The following ROBO1 variants were observed in gnomAD, a reference collection of about 807,000 sequenced individuals.
The protein encoded by ROBO1 is roundabout guidance receptor 1, also known as roundabout homolog 1.
ROBO1 carries 149 observed loss-of-function variants against 195.9 expected under a neutral mutation model. The ratio of observed to expected loss-of-function variants is 0.76; its 90% CI spans 0.67 to 0.87. The LOEUF (loss-of-function observed/expected upper bound fraction) is 0.87, where lower values mean the gene tolerates loss of function less well. Ranked by LOEUF, ROBO1 falls within the 40% of genes least tolerant of loss-of-function variation. The pLI, the probability that ROBO1 is intolerant of heterozygous loss-of-function variation, is 0.00. For synonymous variants in ROBO1, 816 were observed against 733.2 expected (o/e 1.11, Z -1.82); for missense variants, 1,933 against 2,068.3 (o/e 0.93, Z 1.27).
intron 4 of ROBO1, among the ~76,000 whole-genome samples, chr3:78,856,468 T>G (rs1009040835): frequency 2.0e-5 from 3 of 151,808 alleles, no homozygotes; most frequent in Middle Eastern, 3.2e-3. Flanking sequence ...TATCATAAAT[T>G]TGAAGGTCAT....
chr3:78,858,723 A>C (rs2034606857), intron 4 of ROBO1, among the ~76,000 whole-genome samples: 1 of 151,950 alleles, frequency 6.6e-6, no homozygotes, highest in South Asian at 2.1e-4. Flanking sequence ...CCTGGGCAAC[A>C]GAGTGAGACC....
chr3:79,305,487 CAAAAAAAAAAA>C (rs755731665), intron 2 of ROBO1, among the ~76,000 whole-genome samples: 1 of 55,704 alleles, frequency 1.8e-5, no homozygotes, highest in Middle Eastern at 0.01. Context: ...AACTCCATCT[CAAAAAAAAAAA>C]AAAAAAAAAA....
At chr3:78,996,340 C>CAAAA (rs5850409) in intron 3 of ROBO1, among the ~76,000 whole-genome samples, 2 of 148,252 alleles carry the variant, frequency 1.3e-5, no homozygotes, top group Non-Finnish European at 3.0e-5. Context: ...AAAAAAAAAA[C>CAAAA]AAAAAAAAAA....
intron 2 of ROBO1, among the ~76,000 whole-genome samples, chr3:79,339,078 T>C (rs1212176473): frequency 6.6e-6 from 1 of 152,182 alleles, no homozygotes; most frequent in Non-Finnish European, 1.5e-5. Context: ...CTTCAAAATA[T>C]GTCCAGACTC....
intron 2 of ROBO1, among the ~76,000 whole-genome samples, chr3:79,536,937 T>A (rs1183196467): frequency 2.0e-5 from 3 of 152,108 alleles, no homozygotes; most frequent in Non-Finnish European, 4.4e-5. Flanking sequence ...TGCTATGGGA[T>A]CTAGTGAATC....
intron 28 of ROBO1, among the ~76,000 whole-genome samples, chr3:78,610,775 A>C (rs556117054): frequency 1.6e-4 from 24 of 152,292 alleles, no homozygotes; most frequent in African/African-American, 4.8e-4. Context: ...CTTCCTATAT[A>C]TATTTGTCAC....
At chr3:78,731,546 C>T (rs1275569654) in intron 5 of ROBO1, among the ~76,000 whole-genome samples, 2 of 152,040 alleles carry the variant, frequency 1.3e-5, no homozygotes, top group African/African-American at 2.4e-5. Context: ...AAACACAGCA[C>T]TTACATAGAA....
intron 2 of ROBO1, among the ~76,000 whole-genome samples, chr3:79,143,441 C>T (rs992386376): frequency 1.3e-5 from 2 of 151,934 alleles, no homozygotes; most frequent in Non-Finnish European, 2.9e-5. Context: ...AGAGTACTTA[C>T]CCAATGCAGG....
At chr3:79,171,731 T>C (rs568647941) in intron 2 of ROBO1, among the ~76,000 whole-genome samples, 5 of 152,188 alleles carry the variant, frequency 3.3e-5, no homozygotes, top group African/African-American at 1.2e-4. Context: ...ACTTTCATGT[T>C]AAAACTGGAA....
chr3:79,575,490 AATATATAAATATATATAACAAAT>A (rs1423830837), intron 2 of ROBO1, among the ~76,000 whole-genome samples: 6,188 of 126,972 alleles, frequency 0.049, 274 homozygotes, highest in East Asian at 0.087. Context: ...ATATATAACA[AATATATAAATATATATAACAAAT>A]ATATATAAAT....
chr3:78,786,620 G>C (rs780894229), intron 4 of ROBO1, among the ~76,000 whole-genome samples: 10 of 151,990 alleles, frequency 6.6e-5, no homozygotes, highest in Non-Finnish European at 1.0e-4. Flanking sequence ...TTCCCATGCT[G>C]TTCTCCTTCA....
chr3:78,940,734 T>C (rs2040084476), intron 3 of ROBO1, among the ~76,000 whole-genome samples: 2 of 152,236 alleles, frequency 1.3e-5, no homozygotes, highest in Non-Finnish European at 2.9e-5. Flanking sequence ...TTACAATATA[T>C]AAATCTATTT....
At chr3:78,762,246 T>G (rs531731270) in intron 4 of ROBO1, among the ~76,000 whole-genome samples, 1 of 152,142 alleles carries the variant, frequency 6.6e-6, no homozygotes, top group African/African-American at 2.4e-5. Context: ...GAGATGAAGA[T>G]CTGTGCTTAC....
At position 78,795,562 on chromosome 3, in the gene ROBO1, C is replaced by T. The variant is rs537217171; in HGVS notation, c.500-48662G>A. Among the ~76,000 whole-genome samples the T allele has an allele frequency of 1.9e-4, 29 of 152,372 alleles. No individual in the cohort carries two copies. In the East Asian group the frequency reaches 5.6e-3, roughly 29 times the overall value. On this transcript the variant is annotated intron_variant, in intron 4 of 30. Coordinates refer to ENST00000464233, the MANE Select transcript of ROBO1 (RefSeq NM_002941.4). ...CCAAGGTCGCTTCCTTCAGGTAATGCAACACTTTCTTGTGAGAGGCACAAC... is the reference window on the plus strand; with the variant it reads ...CCAAGGTCGCTTCCTTCAGGTAATGTAACACTTTCTTGTGAGAGGCACAAC...
chr3:79,750,894 G>T (rs556137430), intron 1 of ROBO1, among the ~76,000 whole-genome samples: 1 of 152,062 alleles, frequency 6.6e-6, no homozygotes, highest in African/African-American at 2.4e-5. Flanking sequence ...TCACTTGCAG[G>T]TATTATGAAG....
At chr3:78,727,392 C>T (rs570232851) in intron 5 of ROBO1, among the ~76,000 whole-genome samples, 28 of 152,056 alleles carry the variant, frequency 1.8e-4, no homozygotes, top group Non-Finnish European at 2.9e-4. Context: ...TCTGGGAGGC[C>T]GAGGCGGGCG....
chr3:78,734,611 G>GAAA lies in ROBO1; in HGVS notation c.657+12131_657+12132insTTT, dbSNP rs765077378. Among the ~76,000 whole-genome samples the GAAA allele has an allele frequency of 3.9e-5, 5 of 127,382 alleles. No homozygotes were observed. The South Asian group carries it at 1.0e-3, about 27-fold the overall frequency. The allele number at this position is 127,382 out of a possible 152,430, so 83.6% of individuals were successfully genotyped here. ...TTGTTTTTTGGGAAATCCATTTGGGGGAAAAAAAAAAAAAAACCTCCAGAA... is the reference window on the plus strand; with the variant it reads ...TTGTTTTTTGGGAAATCCATTTGGGGAAAGAAAAAAAAAAAAAAACCTCCAGAA... On this transcript the variant is annotated intron_variant, in intron 5 of 30. Coordinates refer to ENST00000464233, the MANE Select transcript of ROBO1 (RefSeq NM_002941.4).
At chr3:78,986,553 T>C (rs2077110735) in intron 3 of ROBO1, among the ~76,000 whole-genome samples, 1 of 152,112 alleles carries the variant, frequency 6.6e-6, no homozygotes, top group Admixed American at 6.6e-5. Flanking sequence ...ACCATAGTGA[T>C]GGTTCAGCAC....
At chr3:79,534,474 T>C (rs961520801) in intron 2 of ROBO1, among the ~76,000 whole-genome samples, 4 of 152,104 alleles carry the variant, frequency 2.6e-5, no homozygotes, top group African/African-American at 9.7e-5. Flanking sequence ...TTAGCTAACA[T>C]CATGAAAGTC....
Sources: gnomAD v4.1 joint callset for allele counts (sites outside exome capture counted in the v4.1 genomes callset) on GRCh38, gnomAD v4.1.1 for gene constraint, MANE v1.5 for transcripts, NCBI Gene and HGNC (gene_info 2026-07-23, HGNC 2026-07-21) for gene names.